The following LUZP2 variants were observed in gnomAD, a reference collection of about 807,000 sequenced individuals.
LUZP2 encodes the protein leucine zipper protein 2.
Under a neutral mutation model 51.6 loss-of-function variants are expected in LUZP2, and 52 were observed. That is an observed-to-expected ratio of 1.01 (90% CI 0.81 to 1.27). The LOEUF is 1.27. Ranked by LOEUF, LUZP2 falls within the 50% of genes most tolerant of loss-of-function variation. The pLI is 0.00. For synonymous variants in LUZP2, 154 were observed against 137.3 expected (o/e 1.12, Z -0.85); for missense variants, 436 against 395.4 (o/e 1.10, Z -0.87).
chr11:24,883,400 G>A (rs999467202), intron 5 of LUZP2, among the ~76,000 whole-genome samples: 4 of 143,964 alleles, frequency 2.8e-5, no homozygotes, highest in Non-Finnish European at 5.9e-5. Flanking sequence ...ACCTGCACTT[G>A]GAACAAAAAA....
intron 5 of LUZP2, among the ~76,000 whole-genome samples, chr11:24,823,389 G>GAAA (rs58275746): frequency 3.2e-5 from 3 of 92,752 alleles, no homozygotes; most frequent in African/African-American, 3.5e-5. Context: ...AATGAATTCA[G>GAAA]AAAAAAAAAA....
intron 1 of LUZP2, among the ~76,000 whole-genome samples, chr11:24,617,858 A>T (rs78472128): frequency 0.14 from 20,713 of 151,906 alleles, 1,726 homozygotes; most frequent in East Asian, 0.24. Flanking sequence ...AATAATAAAT[A>T]AATAAATAAA....
At chr11:24,856,143 A>G (rs1851557317) in intron 5 of LUZP2, among the ~76,000 whole-genome samples, 1 of 152,094 alleles carries the variant, frequency 6.6e-6, no homozygotes, top group Non-Finnish European at 1.5e-5. Flanking sequence ...ACAGCAAAAG[A>G]AAAAATAAAC....
Position 25,062,261 on chromosome 11 carries a change from A to G in LUZP2, c.858+12131A>G, listed in dbSNP as rs80072940. On this transcript the variant is annotated intron_variant, in intron 10 of 11. Coordinates refer to ENST00000336930, the MANE Select transcript of LUZP2 (RefSeq NM_001009909.4). The stretch of plus-strand genomic sequence containing the variant: ...TAGATAGTTACAACAATGGCCAAAC[A>G]GATAGGTAGGCTTTATTTGTTATTT... Among the ~76,000 whole-genome samples the G allele has an allele frequency of 7.2e-3, 1,089 of 151,334 alleles. 51 individuals are homozygous for G. In the East Asian group the frequency reaches 0.1, roughly 14 times the overall value.
chr11:24,845,838 C>G (rs1010080105), intron 5 of LUZP2, among the ~76,000 whole-genome samples: 1 of 152,114 alleles, frequency 6.6e-6, no homozygotes, highest in African/African-American at 2.4e-5. Flanking sequence ...CCATGTGGAA[C>G]CATAAGTCTA....
chr11:24,551,622 C>T (rs1219930134), intron 1 of LUZP2, among the ~76,000 whole-genome samples: 1 of 151,444 alleles, frequency 6.6e-6, no homozygotes, highest in Admixed American at 6.6e-5. Flanking sequence ...TTTTAAAAAC[C>T]CAAGTGACAA....
At position 24,897,510 on chromosome 11, in the gene LUZP2, C is replaced by T. The variant is rs115240807; in HGVS notation, c.397-8481C>T. Among the ~76,000 whole-genome samples, 1,240 of 152,038 alleles carry T rather than the reference C, an allele frequency of 8.2e-3. 16 individuals carry two copies. Among genetic ancestry groups the T allele is most frequent in the East Asian group, 0.055 (285 of 5,162 alleles). On this transcript the variant is annotated intron_variant, in intron 5 of 11. Transcript: ENST00000336930. ...CTGGACGGGAGGAACAAACAACTCC[C>T]GAGGCGCTGCATTAAGAGCTGTAAC... is the stretch of plus-strand genomic sequence containing the variant.
At chr11:25,066,237 G>C (rs1858995214) in intron 10 of LUZP2, among the ~76,000 whole-genome samples, 1 of 151,764 alleles carries the variant, frequency 6.6e-6, no homozygotes, top group Non-Finnish European at 1.5e-5. Context: ...TGAAGATGAG[G>C]CAAATTTTCA....
intron 1 of LUZP2, among the ~76,000 whole-genome samples, chr11:24,512,239 C>T (rs531552396): frequency 2.6e-5 from 4 of 151,970 alleles, no homozygotes; most frequent in Admixed American, 2.6e-4. Flanking sequence ...AAACAAATAG[C>T]GGTGGTGGTA....
At chr11:24,642,922 C>T (rs537478995) in intron 1 of LUZP2, among the ~76,000 whole-genome samples, 41 of 152,154 alleles carry the variant, frequency 2.7e-4, no homozygotes, top group Middle Eastern at 3.4e-3. Flanking sequence ...TGTTGCTAAA[C>T]TGAATTAGCA....
At chr11:24,944,061 T>G (rs776940462) in intron 7 of LUZP2, among the ~76,000 whole-genome samples, 2 of 152,158 alleles carry the variant, frequency 1.3e-5, no homozygotes, top group South Asian at 4.1e-4. Flanking sequence ...CACACACACA[T>G]GATCACCTTT....
At chr11:24,918,467 A>G (rs1853875145) in intron 7 of LUZP2, among the ~76,000 whole-genome samples, 2 of 151,800 alleles carry the variant, frequency 1.3e-5, no homozygotes, top group African/African-American at 4.8e-5. Context: ...TTTGCACATG[A>G]TTATCTCAGT....
At chr11:24,774,975 A>G (rs997350563) in intron 5 of LUZP2, among the ~76,000 whole-genome samples, 4 of 150,858 alleles carry the variant, frequency 2.7e-5, no homozygotes, top group Non-Finnish European at 5.9e-5. Flanking sequence ...CTGGCTACCT[A>G]CCTACTCTAG....
intron 9 of LUZP2, among the ~76,000 whole-genome samples, chr11:25,049,517 TA>T (rs557528637): frequency 1.5e-3 from 229 of 152,288 alleles, no homozygotes; most frequent in Middle Eastern, 6.8e-3. Context: ...AATTCTAGAA[TA>T]ATATTTAGGG....
At position 24,935,998 on chromosome 11, in the gene LUZP2, A is replaced by G. The variant is rs146988849; in HGVS notation, c.522+21460A>G. On this transcript the variant is annotated intron_variant, in intron 7 of 11. Coordinates refer to ENST00000336930, the MANE Select transcript of LUZP2 (RefSeq NM_001009909.4). ...TTTTGTCGTGAATGGAGACATTTCAAAAGCATATTTGTGAATTTATTTGAT... is the reference window on the plus strand; with the variant it reads ...TTTTGTCGTGAATGGAGACATTTCAGAAGCATATTTGTGAATTTATTTGAT... Among the ~76,000 whole-genome samples, 757 of 152,308 alleles carry G rather than the reference A, an allele frequency of 5.0e-3. 13 individuals are homozygous for G. The highest frequency in any genetic ancestry group is 0.017 in the African/African-American group (705 of 41,564).
chr11:25,013,645 T>C (rs986374244), intron 9 of LUZP2, among the ~76,000 whole-genome samples: 2 of 152,154 alleles, frequency 1.3e-5, no homozygotes, highest in Non-Finnish European at 2.9e-5. Context: ...GATACAGTAT[T>C]AATCCTTTGT....
intron 7 of LUZP2, among the ~76,000 whole-genome samples, chr11:24,961,542 C>T (rs1855406487): frequency 6.6e-6 from 1 of 152,028 alleles, no homozygotes; most frequent in Non-Finnish European, 1.5e-5. Context: ...GGTTTAAAGT[C>T]TGTTTTATCA....
At chr11:24,853,455 G>A (rs939232057) in intron 5 of LUZP2, among the ~76,000 whole-genome samples, 1 of 151,968 alleles carries the variant, frequency 6.6e-6, no homozygotes, top group Non-Finnish European at 1.5e-5. Context: ...CTTGTGCTGT[G>A]TTTTTCAGCT....
intron 1 of LUZP2, among the ~76,000 whole-genome samples, chr11:24,558,053 G>T (rs74829318): frequency 0.022 from 3,370 of 152,172 alleles, 111 homozygotes; most frequent in African/African-American, 0.061. Context: ...AAACAGCTGG[G>T]AGTCAAGAGA....
Sources: allele counts gnomAD v4.1 joint callset (sites outside exome capture counted in the v4.1 genomes callset), GRCh38; gene constraint gnomAD v4.1.1; transcripts MANE v1.5; gene names NCBI Gene and HGNC (gene_info 2026-07-23, HGNC 2026-07-21).